The following PRKAG2 variants were observed in gnomAD, a reference collection of about 807,000 sequenced individuals.
PRKAG2 encodes 5'-AMP-activated protein kinase subunit gamma-2.
In PRKAG2, 26 loss-of-function variants were observed where a neutral mutation model predicts 69.6. The observed-to-expected ratio is 0.37, with a 90% CI of 0.27 to 0.52. PRKAG2 has a LOEUF of 0.52. Ranked by LOEUF, PRKAG2 falls within the 20% of genes least tolerant of loss-of-function variation. The probability of loss-of-function intolerance (pLI) is 0.90; values close to 1 mark genes in which losing one functional copy is unlikely to be tolerated. For synonymous variants in PRKAG2, 293 were observed against 285.0 expected (o/e 1.03, Z -0.28); for missense variants, 557 against 740.0 (o/e 0.75, Z 2.87).
At chr7:151,744,921 G>A (rs1019413818) in intron 3 of PRKAG2, among the ~76,000 whole-genome samples, 1 of 152,218 alleles carries the variant, frequency 6.6e-6, no homozygotes, top group African/African-American at 2.4e-5. Context: ...CATGCTGTGT[G>A]GTAGGGAGGC....
At chr7:151,752,388 C>T (rs2074755073) in intron 3 of PRKAG2, among the ~76,000 whole-genome samples, 1 of 151,984 alleles carries the variant, frequency 6.6e-6, no homozygotes. Flanking sequence ...ACGACAAACA[C>T]TGGGGGCTAC....
In PRKAG2 at chr7:151,773,023, A is replaced by AAG. The variant is rs1163334410; in HGVS notation, c.466+8127_466+8128dup. Among the ~76,000 whole-genome samples, 451 of 55,024 alleles carry AAG rather than the reference A, an allele frequency of 8.2e-3. 10 individuals carry two copies. Among genetic ancestry groups the AAG allele is most frequent in the Non-Finnish European group, 0.013 (378 of 28,364 alleles). The allele number at this position is 55,024 out of a possible 152,430, so 36.1% of individuals were successfully genotyped here. A position where few individuals can be genotyped will look rare whatever the true frequency, so the allele number is the denominator to read the frequency against. ...AAAGAAAGAAAGAAAGAAAGAAAGAAAGAGAGAGAGAGAGAGAGAGAGAGA... is the reference window on the plus strand; with the variant it reads ...AAAGAAAGAAAGAAAGAAAGAAAGAAAGAGAGAGAGAGAGAGAGAGAGAGAGA... On this transcript the variant is annotated intron_variant, in intron 3 of 15. Transcript: ENST00000287878.
At chr7:151,795,471 AC>A (rs1487454362) in intron 1 of PRKAG2, among the ~76,000 whole-genome samples, 2 of 152,128 alleles carry the variant, frequency 1.3e-5, no homozygotes, top group African/African-American at 4.8e-5. Flanking sequence ...ATGTTATGGG[AC>A]AGGGAGCGCT....
In PRKAG2 at chr7:151,719,713, G is replaced by A. The variant is rs1796732173; in HGVS notation, c.467-44076C>T. On this transcript the variant is annotated intron_variant, in intron 3 of 15. Transcript: ENST00000287878. The surrounding 1 kb of genome is among the most constrained non-coding windows in gnomAD (Gnocchi z 5.2). ...GCACCACTGTCTTGCGATGGGCACTGTCACTCCCACCTGGCTTCCCAGAGC... is the reference window on the plus strand; with the variant it reads ...GCACCACTGTCTTGCGATGGGCACTATCACTCCCACCTGGCTTCCCAGAGC... 6.6e-6 allele frequency among the ~76,000 whole-genome samples: 1 copy of A among 152,134 alleles called. No homozygotes were observed. Among genetic ancestry groups the A allele is most frequent in the Non-Finnish European group, 1.5e-5 (1 of 68,032 alleles).
intron 3 of PRKAG2, among the ~76,000 whole-genome samples, chr7:151,774,071 CG>C (rs2076215792): frequency 6.6e-6 from 1 of 152,052 alleles, no homozygotes; most frequent in Admixed American, 6.6e-5. Flanking sequence ...GAGGGAGAGA[CG>C]GAAAAGTGGG....
intron 1 of PRKAG2, among the ~76,000 whole-genome samples, chr7:151,874,024 G>GTAT: frequency 7.5e-6 from 1 of 133,004 alleles, no homozygotes; most frequent in East Asian, 2.1e-4. Context: ...ATATGTATAT[G>GTAT]ATGTATATGT....
chr7:151,726,661 C>T (rs1463859356), intron 3 of PRKAG2, among the ~76,000 whole-genome samples: 6 of 151,994 alleles, frequency 3.9e-5, no homozygotes, highest in Non-Finnish European at 5.9e-5. Context: ...CACGCAGGCA[C>T]GGCTGCATCT....
chr7:151,824,853 T>A (rs2151868380), intron 1 of PRKAG2, among the ~76,000 whole-genome samples: 1 of 152,294 alleles, frequency 6.6e-6, no homozygotes. Context: ...TCCTGCCCCC[T>A]TCCCTCTCTT....
At chr7:151,671,239 C>A (rs1021846128) in intron 4 of PRKAG2, among the ~76,000 whole-genome samples, 1 of 150,776 alleles carries the variant, frequency 6.6e-6, no homozygotes, top group South Asian at 2.1e-4. Flanking sequence ...CCATTCCATT[C>A]CCTATTTTAG....
Position 151,836,460 on chromosome 7 carries a change from C to G in PRKAG2, c.114+40047G>C, listed in dbSNP as rs898058347. Among the ~76,000 whole-genome samples the G allele has an allele frequency of 6.6e-6, 1 of 152,246 alleles. No homozygotes were observed. Among genetic ancestry groups the G allele is most frequent in the African/African-American group, 2.4e-5 (1 of 41,464 alleles). On this transcript the variant is annotated intron_variant, in intron 1 of 15. Transcript: ENST00000287878. This position sits in a 1 kb window ranked among gnomAD's most constrained non-coding sequence, Gnocchi z 4.1. Reference sequence around the variant, plus strand: ...AGCTGGGAGAACCAGGGTCAAGTCCCTTCACTCAGTCACCAAAACAAGAAA... The same window carrying G: ...AGCTGGGAGAACCAGGGTCAAGTCCGTTCACTCAGTCACCAAAACAAGAAA...
intron 15 of PRKAG2, chr7:151,557,882 A>C: frequency 2.1e-6 from 2 of 954,644 alleles, no homozygotes; most frequent in Non-Finnish European, 2.5e-6. Context: ...CAAATAAAAA[A>C]AAAAAAAACA....
intron 3 of PRKAG2, among the ~76,000 whole-genome samples, chr7:151,703,123 C>T (rs11762859): frequency 6.6e-6 from 1 of 152,192 alleles, no homozygotes; most frequent in Non-Finnish European, 1.5e-5. Flanking sequence ...CTCACATTGC[C>T]TGCTGCTCAA....
intron 5 of PRKAG2, among the ~76,000 whole-genome samples, chr7:151,609,148 G>A (rs1818192875): frequency 6.6e-6 from 1 of 152,156 alleles, no homozygotes; most frequent in African/African-American, 2.4e-5. Context: ...GAATAAGATT[G>A]CAGAAGACCT....
chr7:151,786,570 TGA>T (rs1478670551), intron 1 of PRKAG2, 29 bp from the exon 2 acceptor site: 1 of 1,596,060 alleles, frequency 6.3e-7, no homozygotes, highest in African/African-American at 1.3e-5. Flanking sequence ...ACGTGGTCAG[TGA>T]CAGTGGCCCT....
chr7:151,749,479 A>T (rs1384916575), intron 3 of PRKAG2, among the ~76,000 whole-genome samples: 1 of 152,224 alleles, frequency 6.6e-6, no homozygotes. Context: ...CTCTGCTGTT[A>T]TGAAACATTT....
chr7:151,818,351 C>A (rs2078693843), intron 1 of PRKAG2, among the ~76,000 whole-genome samples: 1 of 149,922 alleles, frequency 6.7e-6, no homozygotes, highest in South Asian at 2.1e-4. Context: ...TTCTCAGCAT[C>A]CCAGAAATCT....
chr7:151,723,724 C>T (rs758601466), intron 3 of PRKAG2, among the ~76,000 whole-genome samples: 28 of 152,202 alleles, frequency 1.8e-4, no homozygotes, highest in Non-Finnish European at 3.8e-4. Flanking sequence ...GGCTCCCTCA[C>T]CACAGTCTTG....
chr7:151,714,738 T>C (rs1795887322), intron 3 of PRKAG2, among the ~76,000 whole-genome samples: 1 of 151,926 alleles, frequency 6.6e-6, no homozygotes, highest in South Asian at 2.1e-4. Flanking sequence ...TCACCTGAGG[T>C]TGGGAGGTTG....
rs991713497 is a variant in PRKAG2, at chr7:151,814,663, G to A, written c.115-28122C>T. ...GCATGTCTGCAACAGATGGGGACCG[G>A]GGCTGGGTGTGTTCCCAGTCCCCAA... On this transcript the variant is annotated intron_variant, in intron 1 of 15. Coordinates refer to ENST00000287878, the MANE Select transcript of PRKAG2 (RefSeq NM_016203.4). This position sits in a 1 kb window ranked among gnomAD's most constrained non-coding sequence, Gnocchi z 4.8. 4 of 1,231,718 alleles carry A rather than the reference G, an allele frequency of 3.2e-6. No individual in the cohort carries two copies. Among genetic ancestry groups the A allele is most frequent in the African/African-American group, 1.6e-5 (1 of 64,434 alleles). 76.3% of individuals were successfully genotyped at this position (1,231,718 alleles called of 1,614,324 possible). A position where few individuals can be genotyped will look rare whatever the true frequency, so the allele number is the denominator to read the frequency against.
Sources: allele counts gnomAD v4.1 joint callset (sites outside exome capture counted in the v4.1 genomes callset), GRCh38; gene constraint gnomAD v4.1.1; non-coding constraint Gnocchi (gnomAD v3.1); transcripts MANE v1.5; gene names NCBI Gene and HGNC (gene_info 2026-07-23, HGNC 2026-07-21).